Variants in CTRC observed in about 807,000 individuals in gnomAD.
CTRC encodes the protein chymotrypsin-C.
A neutral mutation model predicts 35.7 loss-of-function variants in CTRC; 32 were observed. The ratio of observed to expected loss-of-function variants is 0.90; its 90% CI spans 0.68 to 1.20. The LOEUF (loss-of-function observed/expected upper bound fraction) is 1.20. Among genes scored for constraint, CTRC ranks in the 50% most tolerant of loss-of-function variants. The pLI is 0.00. For missense variants in CTRC, 324 were observed against 361.5 expected (o/e 0.90, Z 0.84); for synonymous variants, 119 against 149.5 (o/e 0.80, Z 1.49).
Position 15,439,177 on chromosome 1 carries a change from G to A in CTRC, c.40+673G>A, listed in dbSNP as rs190399855. On this transcript the variant is annotated intron_variant, in intron 1 of 7. Transcript: ENST00000375949. The stretch of plus-strand genomic sequence containing the variant: ...ATGGTGGCTCACGCCTGTAATCCCA[G>A]CACTTTGGGAGGCCGAGGTGGGTGG... Among the ~76,000 whole-genome samples, 368 of 152,200 alleles carry A rather than the reference G, an allele frequency of 2.4e-3. 2 individuals are homozygous for A. The highest frequency in any genetic ancestry group is 8.2e-3 in the African/African-American group (342 of 41,526).
chr1:15,440,225 T>TTGG, intron 1 of CTRC, 75 bp from the exon 2 acceptor site: 1 of 608,666 alleles, frequency 1.6e-6, no homozygotes, highest in Non-Finnish European at 3.1e-6. Context: ...TTCTTCCACC[T>TTGG]GCCCACCCTC....
rs757630885 is a variant in CTRC, at chr1:15,440,317, C to T, written c.58C>T (p.Pro20Ser). ...CTCCCCAGCCTCCAGCTGTGGGGTG[C>T]CCAGCTTCCCGCCCAACCTATCCGC... is the stretch of plus-strand genomic sequence containing the variant. Reference protein sequence around the residue: ...LLACASSCGVPSFPPNLSARV... With the variant: ...LLACASSCGVSSFPPNLSARV... Residue 20 changes from proline (P) to serine (S), a missense_variant, in exon 2 of 8, where the codon CCC becomes TCC. Transcript: ENST00000375949. The T allele has an allele frequency of 2.9e-6, 4 of 1,373,674 alleles. No homozygotes were observed. The highest frequency in any genetic ancestry group is 3.9e-6 in the Non-Finnish European group (4 of 1,032,372). The allele number at this position is 1,373,674 out of a possible 1,614,324, so 85.1% of individuals were successfully genotyped here.
At chr1:15,442,607 G>A in intron 4 of CTRC, 35 bp downstream of exon 4, 1 of 1,613,108 alleles carries the variant, frequency 6.2e-7, no homozygotes, top group South Asian at 1.1e-5. Context: ...CAGCCACTGG[G>A]GGCAGTGTGG....
intron 5 of CTRC, 36 bp from the exon 6 acceptor site, chr1:15,444,570 G>A (rs375157771): frequency 8.7e-6 from 14 of 1,613,422 alleles, no homozygotes; most frequent in Admixed American, 5.0e-5. Context: ...TGGGCTTCCC[G>A]GCTGCCTCCC....
At chr1:15,445,812 C>G in intron 7 of CTRC, 63 bp downstream of exon 7, 1 of 1,582,278 alleles carries the variant, frequency 6.3e-7, no homozygotes, top group Non-Finnish European at 8.7e-7. Context: ...TCACCCATCC[C>G]CTCACTCATT....
chr1:15,441,097 T>C (rs1401234661), intron 3 of CTRC, among the ~76,000 whole-genome samples: 1 of 152,040 alleles, frequency 6.6e-6, no homozygotes, highest in Non-Finnish European at 1.5e-5. Flanking sequence ...GGAGAATCAC[T>C]TGAACACGGG....
In CTRC at chr1:15,442,516, G is replaced by A; in HGVS notation, c.300G>A (p.Leu100=). 1.2e-6 allele frequency: 2 copies of A among 1,614,174 alleles called. No homozygotes were observed. The highest frequency in any genetic ancestry group is 1.1e-5 in the South Asian group (1 of 91,082). Residue 100 remains leucine (L), a synonymous_variant, in exon 4 of 8, where the codon CTG becomes CTA. Transcript: ENST00000375949. ...NLEVEDEEGS[L]FVGVDTIHVH... ...AGGTGGAAGACGAAGAAGGATCCCT[G>A]TTTGTGGGTGTGGACACCATCCACG... is the stretch of plus-strand genomic sequence containing the variant.
intron 3 of CTRC, among the ~76,000 whole-genome samples, chr1:15,442,017 C>G (rs554189106): frequency 4.0e-4 from 61 of 152,304 alleles, no homozygotes; most frequent in Middle Eastern, 3.4e-3. Context: ...GCTGGGATTA[C>G]AGGCATGAGC....
At chr1:15,440,916 A>G (rs1390689334) in intron 3 of CTRC, among the ~76,000 whole-genome samples, 1 of 152,224 alleles carries the variant, frequency 6.6e-6, no homozygotes, top group Non-Finnish European at 1.5e-5. Flanking sequence ...GCAGTGGCTC[A>G]CGCCTGTAAT....
Position 15,440,289 on chromosome 1 carries a change from T to C in CTRC, c.41-11T>C, listed in dbSNP as rs1252698635. 2.2e-6 allele frequency: 3 copies of C among 1,333,492 alleles called. No homozygotes were observed. Among genetic ancestry groups the C allele is most frequent in the Admixed American group, 4.3e-5 (2 of 46,030 alleles). The allele number at this position is 1,333,492 out of a possible 1,614,324, so 82.6% of individuals were successfully genotyped here. ...CTATTCACTGGTTCTTCTGGCCTCCTGTCTCCCCAGCCTCCAGCTGTGGGG... is the reference window on the plus strand; with the variant it reads ...CTATTCACTGGTTCTTCTGGCCTCCCGTCTCCCCAGCCTCCAGCTGTGGGG... On this transcript the variant is annotated splice_polypyrimidine_tract_variant and intron_variant, in intron 1 of 7. Transcript: ENST00000375949.
intron 5 of CTRC, among the ~76,000 whole-genome samples, chr1:15,444,269 AAAG>A (rs1708180657): frequency 1.3e-5 from 2 of 151,158 alleles, no homozygotes; most frequent in Admixed American, 6.6e-5. Context: ...TCAAAAAAAA[AAAG>A]AAAGAGAAAT....
chr1:15,446,995 G>C lies in CTRC; in HGVS notation c.*406G>C. On this transcript the variant is annotated 3_prime_UTR_variant, in exon 8 of 8. Coordinates refer to ENST00000375949, the MANE Select transcript of CTRC (RefSeq NM_007272.3). ...GCTTCTCCGATCCTACCTCCACCGAGGGGCCTGGCAGGTCCTCACAGCCCC... is the reference window on the plus strand; with the variant it reads ...GCTTCTCCGATCCTACCTCCACCGACGGGCCTGGCAGGTCCTCACAGCCCC... The C allele has an allele frequency of 2.9e-6, 1 of 339,360 alleles. No homozygotes were observed. Among genetic ancestry groups the C allele is most frequent in the African/African-American group, 2.1e-5 (1 of 46,856 alleles). 21.0% of individuals were successfully genotyped at this position (339,360 alleles called of 1,614,324 possible). A position where few individuals can be genotyped will look rare whatever the true frequency, so the allele number is the denominator to read the frequency against.
chr1:15,443,947 C>T (rs1340097388), intron 5 of CTRC, among the ~76,000 whole-genome samples: 1 of 152,118 alleles, frequency 6.6e-6, no homozygotes, highest in East Asian at 1.9e-4. Context: ...ATGCAGATCA[C>T]TATTTAGAAA....
At chr1:15,440,709 C>T in intron 3 of CTRC, 119 bp downstream of exon 3, 1 of 850,464 alleles carries the variant, frequency 1.2e-6, no homozygotes, top group Admixed American at 2.0e-5. Context: ...CTACTCACAC[C>T]CAGTAACTCA....
intron 5 of CTRC, among the ~76,000 whole-genome samples, chr1:15,443,811 A>T (rs1203112175): frequency 6.6e-6 from 1 of 152,258 alleles, no homozygotes; most frequent in Non-Finnish European, 1.5e-5. Flanking sequence ...AGTAAGTGTC[A>T]CATAAATAAA....
chr1:15,446,878 A>C lies in CTRC; in HGVS notation c.*289A>C. 1.8e-6 allele frequency: 1 copy of C among 551,768 alleles called. No homozygotes were observed. 34.2% of individuals were successfully genotyped at this position (551,768 alleles called of 1,614,324 possible). The stretch of plus-strand genomic sequence containing the variant: ...GGAGAGCCCAGGGAGTCCTGCGTGA[A>C]GCCGGAGGGGATGGGAGTGAAGGAC... On this transcript the variant is annotated 3_prime_UTR_variant, in exon 8 of 8. Transcript: ENST00000375949.
At position 15,446,880 on chromosome 1, in the gene CTRC, C is replaced by T; in HGVS notation, c.*291C>T. ...AGAGCCCAGGGAGTCCTGCGTGAAGCCGGAGGGGATGGGAGTGAAGGACGC... is the reference window on the plus strand; with the variant it reads ...AGAGCCCAGGGAGTCCTGCGTGAAGTCGGAGGGGATGGGAGTGAAGGACGC... On this transcript the variant is annotated 3_prime_UTR_variant, in exon 8 of 8. Transcript: ENST00000375949. 1 of 549,356 alleles carries T rather than the reference C, an allele frequency of 1.8e-6. No individual in the cohort carries two copies. The highest frequency in any genetic ancestry group is 3.3e-6 in the Non-Finnish European group (1 of 305,432). The allele number at this position is 549,356 out of a possible 1,614,324, so 34.0% of individuals were successfully genotyped here.
At chr1:15,438,766 G>T (rs1708079583) in intron 1 of CTRC, among the ~76,000 whole-genome samples, 1 of 152,194 alleles carries the variant, frequency 6.6e-6, no homozygotes, top group Non-Finnish European at 1.5e-5. Context: ...CCACGCAAGG[G>T]GGAGGGACAC....
At chr1:15,442,626 G>C (rs2103290863) in intron 4 of CTRC, 54 bp downstream of exon 4, 1 of 1,611,368 alleles carries the variant, frequency 6.2e-7, no homozygotes, top group Non-Finnish European at 8.5e-7. Context: ...GGAAGGAGGG[G>C]TCCCCAAGAC....
Sources: allele counts gnomAD v4.1 joint callset (sites outside exome capture counted in the v4.1 genomes callset), GRCh38; gene constraint gnomAD v4.1.1; transcripts MANE v1.5; gene names NCBI Gene and HGNC (gene_info 2026-07-23, HGNC 2026-07-21).